NEDD4L: variants seen among roughly 807,000 people sequenced by gnomAD.
The protein encoded by NEDD4L is NEDD4 like E3 ubiquitin protein ligase, also known as E3 ubiquitin-protein ligase NEDD4-like.
A neutral mutation model predicts 148.9 loss-of-function variants in NEDD4L; 54 were observed. That is an observed-to-expected ratio of 0.36 (90% CI 0.29 to 0.45). The LOEUF is 0.45. Ranked by LOEUF, NEDD4L falls within the 20% of genes least tolerant of loss-of-function variation. The pLI is 1.00. For synonymous variants in NEDD4L, 433 were observed against 440.7 expected (o/e 0.98, Z 0.22); for missense variants, 856 against 1,233.8 (o/e 0.69, Z 4.59).
chr18:58,092,747 C>G (rs1310923093), intron 1 of NEDD4L, among the ~76,000 whole-genome samples: 1 of 147,006 alleles, frequency 6.8e-6, no homozygotes, highest in Admixed American at 6.9e-5. Context: ...ATGTGGTGCA[C>G]ATGAGCAAAA....
chr18:58,201,913 A>G (rs992438420), intron 2 of NEDD4L, among the ~76,000 whole-genome samples: 6 of 152,226 alleles, frequency 3.9e-5, no homozygotes, highest in African/African-American at 1.4e-4. Flanking sequence ...CTATACGCTG[A>G]CGGAAGTTCA....
chr18:58,161,144 C>A (rs983882065), intron 1 of NEDD4L, among the ~76,000 whole-genome samples: 1 of 152,106 alleles, frequency 6.6e-6, no homozygotes, highest in Admixed American at 6.5e-5. Flanking sequence ...CATTCTCCTG[C>A]CTCAGCCTCC....
chr18:58,342,303 T>A (rs1330574623), intron 15 of NEDD4L, among the ~76,000 whole-genome samples: 1 of 152,208 alleles, frequency 6.6e-6, no homozygotes, highest in Non-Finnish European at 1.5e-5. Flanking sequence ...GTGTTTGTGT[T>A]GTTTTGGTGC....
intron 19 of NEDD4L, among the ~76,000 whole-genome samples, chr18:58,362,352 A>C (rs1399834552): frequency 1.3e-5 from 2 of 152,252 alleles, no homozygotes; most frequent in Non-Finnish European, 2.9e-5. Context: ...AGGAACAAAC[A>C]AAAAATAGTT....
chr18:58,369,776 G>C (rs974817549), intron 22 of NEDD4L, among the ~76,000 whole-genome samples: 1 of 152,194 alleles, frequency 6.6e-6, no homozygotes. Context: ...GTGGGAGGCC[G>C]ACCTCGCTGC....
At chr18:58,169,718 C>A (rs1247869319) in intron 2 of NEDD4L, among the ~76,000 whole-genome samples, 2 of 152,210 alleles carry the variant, frequency 1.3e-5, no homozygotes, top group African/African-American at 4.8e-5. Context: ...TCTGCTGTCC[C>A]CTTTCCCAAG....
intron 6 of NEDD4L, among the ~76,000 whole-genome samples, chr18:58,318,220 A>C (rs1324238434): frequency 7.2e-5 from 11 of 152,216 alleles, no homozygotes; most frequent in Non-Finnish European, 1.6e-4. Context: ...GATTATTAAC[A>C]GTCTGTAGAT....
chr18:58,183,451 C>T (rs919017922), intron 2 of NEDD4L, among the ~76,000 whole-genome samples: 2 of 152,218 alleles, frequency 1.3e-5, no homozygotes, highest in Non-Finnish European at 2.9e-5. Flanking sequence ...TGTGCCGGTT[C>T]TTAAAGTGTT....
chr18:58,281,774 C>T (rs1047834837), intron 5 of NEDD4L, among the ~76,000 whole-genome samples: 4 of 151,882 alleles, frequency 2.6e-5, no homozygotes, highest in Non-Finnish European at 5.9e-5. Context: ...ACCTGTGATC[C>T]CAGCACTTTG....
At position 58,051,809 on chromosome 18, in the gene NEDD4L, A is replaced by T. The variant is rs118036641; in HGVS notation, c.48+7101A>T. On this transcript the variant is annotated intron_variant, in intron 1 of 30. Transcript: ENST00000400345. ...CTTTTGGTAGTCCATGCTAAGGAGG[A>T]TTAGAATAATATATAAATAATATAA... Among the ~76,000 whole-genome samples, 938 of 152,346 alleles carry T rather than the reference A, an allele frequency of 6.2e-3. 9 individuals carry two copies. Among genetic ancestry groups the T allele is most frequent in the Middle Eastern group, 0.02 (6 of 294 alleles).
chr18:58,329,183 C>T, intron 10 of NEDD4L, 56 bp downstream of exon 10: 1 of 1,572,512 alleles, frequency 6.4e-7, no homozygotes. Flanking sequence ...CCATGTTCTC[C>T]AGCTTGATTT....
At chr18:58,358,874 A>AT (rs879694017) in intron 19 of NEDD4L, among the ~76,000 whole-genome samples, 27 of 150,732 alleles carry the variant, frequency 1.8e-4, no homozygotes, top group Middle Eastern at 3.4e-3. Flanking sequence ...GTGCCTATTC[A>AT]TTTTTTTTTA....
At chr18:58,161,061 G>C (rs1451327329) in intron 1 of NEDD4L, among the ~76,000 whole-genome samples, 1 of 151,872 alleles carries the variant, frequency 6.6e-6, no homozygotes, top group Admixed American at 6.6e-5. Context: ...CTGTCGCCCA[G>C]GCTGGAGTGC....
chr18:58,230,967 T>A (rs172390), intron 2 of NEDD4L, among the ~76,000 whole-genome samples: 43,552 of 151,690 alleles, frequency 0.29, 6,319 homozygotes, highest in Middle Eastern at 0.35. Context: ...GACAAACAAG[T>A]CTGGACGTGG....
In NEDD4L at chr18:58,397,245, C is replaced by T. The variant is rs530092844; in HGVS notation, c.*976C>T. The T allele has an allele frequency of 2.0e-4, 30 of 152,704 alleles. No individual in the cohort carries two copies. Among genetic ancestry groups the T allele is most frequent in the African/African-American group, 7.0e-4 (29 of 41,556 alleles). The allele number at this position is 152,704 out of a possible 1,614,324, so 9.5% of individuals were successfully genotyped here. ...TGTGGAAACCAGATCTGTTTAGTCT[C>T]CTGTTTGTATGCGTTTGCTAATGGT... is the stretch of plus-strand genomic sequence containing the variant. On this transcript the variant is annotated 3_prime_UTR_variant, in exon 31 of 31. Transcript: ENST00000400345.
intron 1 of NEDD4L, among the ~76,000 whole-genome samples, chr18:58,150,637 A>C (rs1487910446): frequency 6.6e-6 from 1 of 152,216 alleles, no homozygotes; most frequent in Non-Finnish European, 1.5e-5. Context: ...TAGATGTTAG[A>C]TAGATCTAGC....
intron 13 of NEDD4L, 109 bp downstream of exon 13, chr18:58,335,646 G>A (rs1309164021): frequency 1.2e-6 from 1 of 837,306 alleles, no homozygotes; most frequent in African/African-American, 1.7e-5. Flanking sequence ...TAGCTCCTTT[G>A]TGCTACAGAG....
intron 13 of NEDD4L, among the ~76,000 whole-genome samples, chr18:58,340,024 C>T (rs1296124925): frequency 6.6e-6 from 1 of 152,186 alleles, no homozygotes; most frequent in Non-Finnish European, 1.5e-5. Flanking sequence ...GCATGGGCTC[C>T]TCCTATACCT....
At chr18:58,239,061 A>G (rs2046340977) in intron 2 of NEDD4L, among the ~76,000 whole-genome samples, 2 of 152,232 alleles carry the variant, frequency 1.3e-5, no homozygotes, top group East Asian at 1.9e-4. Context: ...GAATGAGGAA[A>G]CCTTCAACAA....
Sources: gnomAD v4.1 joint callset for allele counts (sites outside exome capture counted in the v4.1 genomes callset) on GRCh38, gnomAD v4.1.1 for gene constraint, MANE v1.5 for transcripts, NCBI Gene and HGNC (gene_info 2026-07-23, HGNC 2026-07-21) for gene names.